The following RBMS1 variants were observed in gnomAD, a reference collection of about 807,000 sequenced individuals.
RBMS1 encodes RNA-binding motif, single-stranded-interacting protein 1.
A neutral mutation model predicts 62.3 loss-of-function variants in RBMS1; 17 were observed. The observed-to-expected ratio is 0.27, with a 90% CI of 0.19 to 0.41. The LOEUF (loss-of-function observed/expected upper bound fraction) is 0.41. Among genes scored for constraint, RBMS1 ranks in the 10% least tolerant of loss-of-function variants. RBMS1 has a pLI of 1.00. For missense variants in RBMS1, 334 were observed against 504.5 expected, an observed-to-expected ratio of 0.66 and a Z score of 3.24; for synonymous variants, 172 against 170.0, an observed-to-expected ratio of 1.01 and a Z score of -0.09.
intron 1 of RBMS1, among the ~76,000 whole-genome samples, chr2:160,443,231 A>G (rs1683492208): frequency 6.6e-6 from 1 of 151,936 alleles, no homozygotes; most frequent in South Asian, 2.1e-4. Context: ...AACAAAAAAA[A>G]AAACCTTGAC....
At chr2:160,428,305 A>C (rs187332914) in intron 1 of RBMS1, among the ~76,000 whole-genome samples, 106 of 152,334 alleles carry the variant, frequency 7.0e-4, no homozygotes, top group African/African-American at 2.5e-3. Context: ...CACCGGATGT[A>C]ATCGAGACCA....
At chr2:160,312,258 A>G (rs900549759) in intron 4 of RBMS1, among the ~76,000 whole-genome samples, 2 of 152,190 alleles carry the variant, frequency 1.3e-5, no homozygotes, top group African/African-American at 4.8e-5. Flanking sequence ...AACTTTCAGG[A>G]TGAACCTAAT....
At position 160,278,529 on chromosome 2, in the gene RBMS1, A is replaced by G. The variant is rs756728799; in HGVS notation, c.1062+19T>C. 2.5e-6 allele frequency: 4 copies of G among 1,584,016 alleles called. No individual in the cohort carries two copies. The highest frequency in any genetic ancestry group is 3.5e-6 in the Non-Finnish European group (4 of 1,154,106). ...CCTCCTCTGTTTACAGAGACACATG[A>G]TAATTATTTGCCACCTACTGTTCCG... On this transcript the variant is annotated intron_variant, in intron 11 of 13. Transcript: ENST00000348849.
At chr2:160,442,600 T>C (rs948383497) in intron 1 of RBMS1, among the ~76,000 whole-genome samples, 4 of 152,252 alleles carry the variant, frequency 2.6e-5, no homozygotes, top group African/African-American at 9.6e-5. Context: ...TTGCGTTATA[T>C]AAATATTTCA....
At chr2:160,322,414 A>G (rs1690610449) in intron 2 of RBMS1, among the ~76,000 whole-genome samples, 1 of 152,236 alleles carries the variant, frequency 6.6e-6, no homozygotes, top group Non-Finnish European at 1.5e-5. Context: ...AGAAATAAAC[A>G]CGTGGCTTAT....
At chr2:160,395,759 A>C (rs1365935712) in intron 1 of RBMS1, among the ~76,000 whole-genome samples, 1 of 152,186 alleles carries the variant, frequency 6.6e-6, no homozygotes, top group Non-Finnish European at 1.5e-5. Context: ...ATCTTACATT[A>C]ACTCTTTTGA....
At chr2:160,465,408 C>G (rs1254839439) in intron 1 of RBMS1, among the ~76,000 whole-genome samples, 2 of 152,234 alleles carry the variant, frequency 1.3e-5, no homozygotes, top group East Asian at 1.9e-4. Flanking sequence ...CTGCCCAACT[C>G]AATCCTACAT....
intron 3 of RBMS1, among the ~76,000 whole-genome samples, chr2:160,316,461 C>T (rs1690225405): frequency 1.3e-5 from 2 of 152,274 alleles, no homozygotes; most frequent in Middle Eastern, 3.4e-3. Flanking sequence ...TTAGTCCTAC[C>T]CTTAGAAGTC....
At chr2:160,332,623 G>A (rs775402487) in intron 2 of RBMS1, among the ~76,000 whole-genome samples, 3 of 151,998 alleles carry the variant, frequency 2.0e-5, no homozygotes, top group Non-Finnish European at 4.4e-5. Flanking sequence ...CTTTGTTCAG[G>A]GCTTACTTAA....
intron 1 of RBMS1, among the ~76,000 whole-genome samples, chr2:160,438,467 G>A (rs376445414): frequency 6.6e-6 from 1 of 151,974 alleles, no homozygotes; most frequent in Middle Eastern, 3.4e-3. Context: ...GACTCTTAAC[G>A]AGCATGCTGC....
chr2:160,409,760 G>T (rs1334214104), intron 1 of RBMS1, among the ~76,000 whole-genome samples: 2 of 152,060 alleles, frequency 1.3e-5, no homozygotes, highest in Non-Finnish European at 2.9e-5. Flanking sequence ...TGTACTCTAA[G>T]GTCATGATAT....
At position 160,355,570 on chromosome 2, in the gene RBMS1, C is replaced by A. The variant is rs79043453; in HGVS notation, c.251+11646G>T. ...GGCCCACATTCTATCAAGGACAAAC[C>A]TTGGGGCAGCATGTATCACCCACCT... On this transcript the variant is annotated intron_variant, in intron 2 of 13. Coordinates refer to ENST00000348849, the MANE Select transcript of RBMS1 (RefSeq NM_016836.4). Among the ~76,000 whole-genome samples, 1,192 of 152,172 alleles carry A rather than the reference C, an allele frequency of 7.8e-3. 5 individuals carry two copies. The highest frequency in any genetic ancestry group is 0.012 in the Non-Finnish European group (844 of 67,980).
intron 2 of RBMS1, among the ~76,000 whole-genome samples, chr2:160,343,732 ATAAT>A (rs564413748): frequency 5.9e-5 from 9 of 152,322 alleles, no homozygotes; most frequent in East Asian, 1.9e-4. Context: ...CATTAGGAGA[ATAAT>A]TAGAGTGGAG....
chr2:160,456,784 C>A (rs1164965126), intron 1 of RBMS1, among the ~76,000 whole-genome samples: 2 of 152,312 alleles, frequency 1.3e-5, no homozygotes, highest in Admixed American at 1.3e-4. Flanking sequence ...CCCCTTCTTC[C>A]AATTTGGCTT....
At chr2:160,286,122 AT>A (rs1688375381) in intron 7 of RBMS1, among the ~76,000 whole-genome samples, 1 of 151,768 alleles carries the variant, frequency 6.6e-6, no homozygotes, top group Non-Finnish European at 1.5e-5. Context: ...AAAATAAAAA[AT>A]AAATAAAAAA....
In RBMS1 at chr2:160,476,551, C is replaced by CTTTTT. The variant is rs755429434; in HGVS notation, c.75+16733_75+16737dup. Among the ~76,000 whole-genome samples the CTTTTT allele has an allele frequency of 2.5e-3, 277 of 111,240 alleles. 1 individual carries two copies. The highest frequency in any genetic ancestry group is 9.6e-3 in the East Asian group (32 of 3,324). 73.0% of individuals were successfully genotyped at this position (111,240 alleles called of 152,430 possible). ...GCACAAAACTGAACAAAACACACTT[C>CTTTTT]TTTTTTTTTTTTTTTTTTTTTGAGA... On this transcript the variant is annotated intron_variant, in intron 1 of 13. Transcript: ENST00000348849.
At chr2:160,410,714 G>A (rs189356731) in intron 1 of RBMS1, among the ~76,000 whole-genome samples, 212 of 152,272 alleles carry the variant, frequency 1.4e-3, no homozygotes, top group Non-Finnish European at 2.7e-3. Flanking sequence ...TGGTAAAAAC[G>A]GGGCTTTGGA....
intron 1 of RBMS1, among the ~76,000 whole-genome samples, chr2:160,465,676 C>T (rs1426735528): frequency 6.6e-6 from 1 of 152,152 alleles, no homozygotes; most frequent in Non-Finnish European, 1.5e-5. Flanking sequence ...TCTCTTCTCT[C>T]TAGGGCCTTC....
At position 160,493,550 on chromosome 2, in the gene RBMS1, C is replaced by T; in HGVS notation, c.-187G>A. On this transcript the variant is annotated 5_prime_UTR_variant, in exon 1 of 14. Transcript: ENST00000348849. ...TCCTCCTCCTCCTCCTCTTCCTCCT[C>T]CTCCTCCTCCTCCTCCTCCTCTTCC... The T allele has an allele frequency of 1.6e-6, 1 of 616,116 alleles. No individual in the cohort carries two copies. Among genetic ancestry groups the T allele is most frequent in the East Asian group, 2.8e-5 (1 of 36,318 alleles). The allele number at this position is 616,116 out of a possible 1,614,324, so 38.2% of individuals were successfully genotyped here. A position where few individuals can be genotyped will look rare whatever the true frequency, so the allele number is the denominator to read the frequency against.
Sources: allele counts gnomAD v4.1 joint callset (sites outside exome capture counted in the v4.1 genomes callset), GRCh38; gene constraint gnomAD v4.1.1; transcripts MANE v1.5; gene names NCBI Gene and HGNC (gene_info 2026-07-23, HGNC 2026-07-21).